The following ZC3H18 variants were observed in gnomAD, a reference collection of about 807,000 sequenced individuals.
ZC3H18 encodes zinc finger CCCH-type containing 18, also known as zinc finger CCCH domain-containing protein 18.
In ZC3H18, 8 loss-of-function variants were observed where a neutral mutation model predicts 106.1. That is an observed-to-expected ratio of 0.08 (90% CI 0.04 to 0.14). ZC3H18 has a LOEUF of 0.14. Among genes scored for constraint, ZC3H18 ranks in the 10% least tolerant of loss-of-function variants. ZC3H18 has a pLI of 1.00. For synonymous variants in ZC3H18, 635 were observed against 522.1 expected (o/e 1.22, Z -2.95); for missense variants, 1,318 against 1,278.4 (o/e 1.03, Z -0.47).
Position 88,628,697 on chromosome 16 carries a change from G to T in ZC3H18, c.2470-61G>T, listed in dbSNP as rs34694719. On this transcript the variant is annotated intron_variant, in intron 15 of 17. Transcript: ENST00000301011. ...TGGCAAGGAACCCATGTCCTCTGGG[G>T]CGAGGACACGGCTTCTGGCTCCTGG... is the stretch of plus-strand genomic sequence containing the variant. 28 of 1,556,762 alleles carry T rather than the reference G, an allele frequency of 1.8e-5. No homozygotes were observed. The African/African-American group carries it at 3.1e-4, about 17-fold the overall frequency.
intron 17 of ZC3H18, among the ~76,000 whole-genome samples, chr16:88,630,897 C>T (rs934448946): frequency 5.3e-5 from 8 of 152,206 alleles, no homozygotes; most frequent in Non-Finnish European, 1.0e-4. Flanking sequence ...AGCCCAGGAC[C>T]CTCCCAGTCT....
chr16:88,575,935 C>G (rs1023842340), intron 1 of ZC3H18, among the ~76,000 whole-genome samples: 8 of 152,222 alleles, frequency 5.3e-5, no homozygotes, highest in Admixed American at 1.3e-4. Flanking sequence ...GAGTCTCACT[C>G]TGTCGCCCAG....
At chr16:88,622,785 G>A (rs1051308399) in intron 9 of ZC3H18, 11 of 276,200 alleles carry the variant, frequency 4.0e-5, no homozygotes, top group East Asian at 9.8e-5. Flanking sequence ...ACAGGAGCCC[G>A]GCTCCCGAGT....
chr16:88,583,333 G>A (rs140291384), intron 2 of ZC3H18, among the ~76,000 whole-genome samples: 113 of 152,354 alleles, frequency 7.4e-4, no homozygotes, highest in Middle Eastern at 3.4e-3. Flanking sequence ...CCAGTGAGGC[G>A]TTTCCTTTGA....
chr16:88,586,822 T>TGGG, intron 3 of ZC3H18, 138 bp downstream of exon 3: 2 of 582,816 alleles, frequency 3.4e-6, no homozygotes, highest in African/African-American at 1.9e-5. Flanking sequence ...GTGGTGGTGG[T>TGGG]GGTGGTGGTG....
At position 88,622,396 on chromosome 16, in the gene ZC3H18, G is replaced by A. The variant is rs983665970; in HGVS notation, c.1667+8G>A. On this transcript the variant is annotated splice_region_variant and intron_variant, in intron 9 of 17. Transcript: ENST00000301011. ...TGCCTCTAATTCCTCCAGGTAAGGA[G>A]GGCTCGTGGGACGGCTGGGGTGTCA... The A allele has an allele frequency of 2.5e-5, 40 of 1,598,038 alleles. No homozygotes were observed. Among genetic ancestry groups the A allele is most frequent in the Non-Finnish European group, 3.2e-5 (37 of 1,170,400 alleles).
chr16:88,623,254 G>C lies in ZC3H18; in HGVS notation c.1703G>C (p.Gly568Ala). 6.2e-7 allele frequency: 1 copy of C among 1,613,500 alleles called. No homozygotes were observed. The highest frequency in any genetic ancestry group is 8.5e-7 in the Non-Finnish European group (1 of 1,179,962). ...SSRSSSYSGS[G>A]SSRSRSRSSS... ...CGGTCATCGTCCTACTCTGGCTCCG[G>C]CTCCTCCCGGTCGCGATCCCGGTCT... The change falls in exon 10 of 18, where the codon GGC becomes GCC. Residue 568 changes from glycine (G) to alanine (A), a missense_variant. This residue lies in a region of ZC3H18 where 848 missense variants were observed against 821.7 expected (regional missense o/e 1.03). Coordinates refer to ENST00000301011, the MANE Select transcript of ZC3H18 (RefSeq NM_144604.4).
intron 6 of ZC3H18, among the ~76,000 whole-genome samples, chr16:88,608,301 A>C (rs1027355169): frequency 6.6e-6 from 1 of 151,818 alleles, no homozygotes; most frequent in Non-Finnish European, 1.5e-5. Flanking sequence ...TTTTGTTCCA[A>C]AGTGTGTCAG....
At chr16:88,595,444 G>A (rs1022286308) in intron 3 of ZC3H18, among the ~76,000 whole-genome samples, 16 of 139,262 alleles carry the variant, frequency 1.1e-4, no homozygotes, top group African/African-American at 3.5e-4. Context: ...CTTTATTGTT[G>A]CTTCTATTTT....
chr16:88,577,595 A>G lies in ZC3H18; in HGVS notation c.472A>G (p.Lys158Glu), dbSNP rs749528303. 8 of 1,613,492 alleles carry G rather than the reference A, an allele frequency of 5.0e-6. No homozygotes were observed. The African/African-American group carries it at 6.7e-5, about 13-fold the overall frequency. The part of the protein sequence containing the change: ...EKAGAEDDEE[K>E]GEGTPREEGK... ...AGCGGGGGCTGAGGATGATGAGGAG[A>G]AAGGCGAAGGCACTCCCAGGGAGGA... is the stretch of plus-strand genomic sequence containing the variant. The change falls in exon 2 of 18, where the codon AAA (lysine) becomes GAA (glutamate). Residue 158 changes from lysine to glutamate, a missense_variant. This residue lies in a region of ZC3H18 where 346 missense variants were observed against 269.0 expected (regional missense o/e 1.29). Coordinates refer to ENST00000301011, the MANE Select transcript of ZC3H18 (RefSeq NM_144604.4).
chr16:88,582,027 C>A (rs1484638771), intron 2 of ZC3H18, among the ~76,000 whole-genome samples: 1 of 152,184 alleles, frequency 6.6e-6, no homozygotes, highest in Non-Finnish European at 1.5e-5. Flanking sequence ...CCATTCTCCT[C>A]TTATTGAGGA....
chr16:88,623,730 G>C (rs1346852626), intron 10 of ZC3H18: 1 of 711,014 alleles, frequency 1.4e-6, no homozygotes, highest in East Asian at 3.0e-5. Flanking sequence ...CGTGACACTC[G>C]CCTCCCGGAG....
chr16:88,604,176 AC>A (rs1904895291), intron 6 of ZC3H18, among the ~76,000 whole-genome samples: 1 of 151,796 alleles, frequency 6.6e-6, no homozygotes, highest in South Asian at 2.1e-4. Flanking sequence ...ACATGGCAAA[AC>A]CCCATCTCTA....
chr16:88,579,974 C>T (rs1444212544), intron 2 of ZC3H18, among the ~76,000 whole-genome samples: 1 of 152,140 alleles, frequency 6.6e-6, no homozygotes, highest in Non-Finnish European at 1.5e-5. Context: ...GTGGGTTCAG[C>T]CTCTACAAGA....
intron 2 of ZC3H18, among the ~76,000 whole-genome samples, 192 bp from the exon 3 acceptor site, chr16:88,586,408 A>C (rs956092302): frequency 6.6e-6 from 1 of 152,174 alleles, no homozygotes; most frequent in Non-Finnish European, 1.5e-5. Context: ...CGGGATGCTT[A>C]GAGCTGCCGG....
intron 1 of ZC3H18, among the ~76,000 whole-genome samples, chr16:88,576,551 A>G (rs1914764662): frequency 6.6e-6 from 1 of 152,106 alleles, no homozygotes; most frequent in South Asian, 2.1e-4. Flanking sequence ...AGGGCAGCCA[A>G]GGGATTCTCG....
intron 1 of ZC3H18, among the ~76,000 whole-genome samples, chr16:88,570,924 C>G (rs1404078017): frequency 6.6e-6 from 1 of 152,252 alleles, no homozygotes; most frequent in East Asian, 1.9e-4. Flanking sequence ...CGGTGAGAGG[C>G]GCCCAGATTC....
At position 88,608,785 on chromosome 16, in the gene ZC3H18, C is replaced by T. The variant is rs78536760; in HGVS notation, c.1089-149C>T. 226 of 588,072 alleles carry T rather than the reference C, an allele frequency of 3.8e-4. 1 individual carries two copies. The East Asian group carries it at 5.8e-3, about 15-fold the overall frequency. The allele number at this position is 588,072 out of a possible 1,614,324, so 36.4% of individuals were successfully genotyped here. ...CCTGCTCTTAGATGTAGTTTGTGAA[C>T]AGATTTCCTAACCTTGAGCCAACCT... On this transcript the variant is annotated intron_variant, in intron 6 of 17. Transcript: ENST00000301011.
Position 88,625,245 on chromosome 16 carries a change from A to G in ZC3H18, c.2086A>G (p.Ser696Gly). ...GSGSGSGSSY[S>G]GSSSRSRSLS... The stretch of plus-strand genomic sequence containing the variant: ...CGGCAGTGGCAGTGGTAGCAGCTAT[A>G]GTGGTTCCAGCTCCCGATCCAGGTC... The change falls in exon 13 of 18, where the codon AGT becomes GGT. Residue 696 changes from serine to glycine, a missense_variant. Ser to Gly is a moderately conservative substitution (Grantham distance 56, BLOSUM62 0). Transcript: ENST00000301011. The G allele has an allele frequency of 6.3e-7, 1 of 1,594,214 alleles. No homozygotes were observed. The highest frequency in any genetic ancestry group is 8.5e-7 in the Non-Finnish European group (1 of 1,170,730).
Sources: allele counts gnomAD v4.1 joint callset (sites outside exome capture counted in the v4.1 genomes callset), GRCh38; gene constraint gnomAD v4.1.1; regional missense constraint gnomAD v4.1.1; transcripts MANE v1.5; gene names NCBI Gene and HGNC (gene_info 2026-07-23, HGNC 2026-07-21).